The following DNAH6 variants were observed in gnomAD, a reference collection of about 807,000 sequenced individuals.
DNAH6 encodes the protein dynein axonemal heavy chain 6.
In DNAH6, 340 loss-of-function variants were observed where a neutral mutation model predicts 491.4. The observed-to-expected ratio is 0.69, with a 90% CI of 0.63 to 0.76. The LOEUF (loss-of-function observed/expected upper bound fraction) is 0.76. DNAH6 is among the 30% of genes least tolerant of loss of function. The pLI, the probability that DNAH6 is intolerant of heterozygous loss-of-function variation, is 0.00. For synonymous variants in DNAH6, 1,603 were observed against 1,686.1 expected (o/e 0.95, Z 1.21); for missense variants, 4,443 against 4,972.2 (o/e 0.89, Z 3.20).
rs146054920 is a variant in DNAH6, at chr2:84,803,869, A to G, written c.11482-1796A>G. On this transcript the variant is annotated intron_variant, in intron 70 of 76. Coordinates refer to ENST00000389394, the MANE Select transcript of DNAH6 (RefSeq NM_001370.2). ...TTAATCTATCATTTAAAGAATTTCA[A>G]AAATGGTGGATGAAATTCATACAAA... is the stretch of plus-strand genomic sequence containing the variant. Among the ~76,000 whole-genome samples the G allele has an allele frequency of 4.2e-3, 645 of 152,320 alleles. 28 individuals are homozygous for G. The highest frequency in any genetic ancestry group is 0.038 in the Admixed American group (583 of 15,308).
chr2:84,483,117 T>C, the DNAH6 span, among the ~76,000 whole-genome samples: 7 of 152,010 alleles, frequency 4.6e-5, no homozygotes, highest in Non-Finnish European at 1.0e-4. Flanking sequence ...TGTGGCACCA[T>C]GCCTGGCTAA....
In DNAH6 at chr2:84,658,440, T is replaced by C; in HGVS notation, c.5906T>C (p.Leu1969Ser). 6.5e-7 allele frequency: 1 copy of C among 1,529,968 alleles called. No homozygotes were observed. Among genetic ancestry groups the C allele is most frequent in the Non-Finnish European group, 8.8e-7 (1 of 1,137,174 alleles). 94.8% of individuals were successfully genotyped at this position (1,529,968 alleles called of 1,614,324 possible). Reference protein sequence around the residue: ...VTTLCCLLESLILGKDGVNLA... With the variant: ...VTTLCCLLESSILGKDGVNLA... ...ACACTCTGTTGCTTATTGGAGTCCT[T>C]GATACTTGGGAAAGATGGAGTTAAC... is the stretch of plus-strand genomic sequence containing the variant. The change falls in exon 36 of 77, where the codon TTG becomes TCG. Residue 1969 changes from leucine to serine, a missense_variant. Coordinates refer to ENST00000389394, the MANE Select transcript of DNAH6 (RefSeq NM_001370.2).
At chr2:84,668,850 GTGTGTGT>G (rs764281104) in intron 37 of DNAH6, among the ~76,000 whole-genome samples, 3 of 81,726 alleles carry the variant, frequency 3.7e-5, no homozygotes, top group East Asian at 4.2e-4. Flanking sequence ...GTGTGTGTGT[GTGTGTGT>G]ATGATTGTAA....
chr2:84,579,580 C>G lies in DNAH6; in HGVS notation c.2130C>G (p.Ile710Met), dbSNP rs757143176. ...GCAAGAAAAAAGTGGATGCCATTAT[C>G]TTTGAGGCACAAGATGCAGAGTATA... Reference protein sequence around the residue: ...RQSKKKVDAIIFEAQDAEYKL... With the variant: ...RQSKKKVDAIMFEAQDAEYKL... Residue 710 changes from isoleucine (I) to methionine (M), a missense_variant, in exon 14 of 77, where the codon ATC (isoleucine) becomes ATG (methionine). By Grantham distance (10) the Ile-to-Met change is conservative. Coordinates refer to ENST00000389394, the MANE Select transcript of DNAH6 (RefSeq NM_001370.2). 14 of 1,613,844 alleles carry G rather than the reference C, an allele frequency of 8.7e-6. No homozygotes were observed. Among genetic ancestry groups the G allele is most frequent in the Non-Finnish European group, 1.2e-5 (14 of 1,179,858 alleles).
chr2:84,651,421 G>GT (rs2104554919), intron 33 of DNAH6, among the ~76,000 whole-genome samples: 1 of 152,320 alleles, frequency 6.6e-6, no homozygotes, highest in South Asian at 2.1e-4. Context: ...GGAAGTCTGG[G>GT]CTCCGCACTC....
rs762114757 is a variant in DNAH6, at chr2:84,581,772, A to G, written c.2229+2093A>G. Among the ~76,000 whole-genome samples, 36 of 152,196 alleles carry G rather than the reference A, an allele frequency of 2.4e-4. 1 individual carries two copies. Among genetic ancestry groups the G allele is most frequent in the Non-Finnish European group, 4.4e-4 (30 of 68,018 alleles). ...TATTTTCAAAGATAGGAGAGAATAAATTAATTATAAAGATGTTAAGTAGAA... is the reference window on the plus strand; with the variant it reads ...TATTTTCAAAGATAGGAGAGAATAAGTTAATTATAAAGATGTTAAGTAGAA... On this transcript the variant is annotated intron_variant, in intron 14 of 76. Transcript: ENST00000389394.
intron 47 of DNAH6, among the ~76,000 whole-genome samples, chr2:84,699,040 A>G (rs892869057): frequency 2.0e-5 from 3 of 152,198 alleles, no homozygotes; most frequent in Non-Finnish European, 4.4e-5. Flanking sequence ...CACAGAGGGA[A>G]GGAGGGATGA....
At chr2:84,683,412 ATTTTTTTTTTTTTT>A (rs61217837) in intron 42 of DNAH6, among the ~76,000 whole-genome samples, 4 of 93,920 alleles carry the variant, frequency 4.3e-5, no homozygotes, top group Admixed American at 2.4e-4. Context: ...CACCACTCTT[ATTTTTTTTTTTTTT>A]TTTTTTTTTT....
At chr2:84,736,916 G>A (rs556707420) in intron 62 of DNAH6, among the ~76,000 whole-genome samples, 3 of 152,102 alleles carry the variant, frequency 2.0e-5, no homozygotes, top group Non-Finnish European at 4.4e-5. Flanking sequence ...AGTTCTTATG[G>A]GGGAATGCTT....
At chr2:84,590,834 C>T (rs985552405) in intron 16 of DNAH6, among the ~76,000 whole-genome samples, 1 of 152,136 alleles carries the variant, frequency 6.6e-6, no homozygotes, top group African/African-American at 2.4e-5. Flanking sequence ...GAGGGAAAGA[C>T]AGACTGGATG....
At chr2:84,627,722 C>T (rs10210186) in intron 29 of DNAH6, among the ~76,000 whole-genome samples, 29,278 of 152,010 alleles carry the variant, frequency 0.19, 5,482 homozygotes, top group African/African-American at 0.49. Flanking sequence ...AGTGAGACCT[C>T]ATTTTATTGC....
At chr2:84,642,553 T>C (rs972952584) in intron 33 of DNAH6, among the ~76,000 whole-genome samples, 3 of 152,210 alleles carry the variant, frequency 2.0e-5, no homozygotes, top group Non-Finnish European at 4.4e-5. Context: ...TATTTATTTA[T>C]TCTGCTATCC....
chr2:84,688,648 AG>A, intron 45 of DNAH6, 55 bp downstream of exon 45: 1 of 1,416,448 alleles, frequency 7.1e-7, no homozygotes. Context: ...TTTGTATTAA[AG>A]GGTAAAAAAA....
At chr2:84,542,208 G>A (rs972167951) in intron 4 of DNAH6, among the ~76,000 whole-genome samples, 1 of 152,142 alleles carries the variant, frequency 6.6e-6, no homozygotes, top group African/African-American at 2.4e-5. Flanking sequence ...CACCAGGGCC[G>A]TGGTCAGCAA....
upstream of DNAH6, among the ~76,000 whole-genome samples, chr2:84,512,450 C>T (rs1457381313): frequency 6.6e-6 from 1 of 152,198 alleles, no homozygotes; most frequent in Non-Finnish European, 1.5e-5. Context: ...TTCATGAGGT[C>T]TCTGCATTAC....
chr2:84,689,772 C>CCA (rs1047925094), intron 45 of DNAH6, among the ~76,000 whole-genome samples: 2 of 152,138 alleles, frequency 1.3e-5, no homozygotes, highest in African/African-American at 4.8e-5. Flanking sequence ...ACGCTGTGTG[C>CCA]CACAGAGAGA....
At chr2:84,559,169 A>C (rs1680386325) in intron 11 of DNAH6, among the ~76,000 whole-genome samples, 1 of 152,180 alleles carries the variant, frequency 6.6e-6, no homozygotes, top group Non-Finnish European at 1.5e-5. Flanking sequence ...GTTAATCTAA[A>C]GTCACAGCCA....
At chr2:84,780,792 A>G (rs1278635347) in intron 64 of DNAH6, among the ~76,000 whole-genome samples, 2 of 147,204 alleles carry the variant, frequency 1.4e-5, no homozygotes, top group Non-Finnish European at 3.0e-5. Flanking sequence ...TTTTTTTTGT[A>G]TTCCTGTTTT....
At chr2:84,805,225 CA>C (rs1338734150) in intron 70 of DNAH6, among the ~76,000 whole-genome samples, 1 of 152,120 alleles carries the variant, frequency 6.6e-6, no homozygotes, top group African/African-American at 2.4e-5. Flanking sequence ...CACATTTTAC[CA>C]ACTCTACCTC....
Sources: allele counts gnomAD v4.1 joint callset (sites outside exome capture counted in the v4.1 genomes callset), GRCh38; gene constraint gnomAD v4.1.1; transcripts MANE v1.5; gene names NCBI Gene and HGNC (gene_info 2026-07-23, HGNC 2026-07-21).